The following MATN1 variants were observed in gnomAD, a reference collection of about 807,000 sequenced individuals.
MATN1 encodes the protein matrilin 1, also known as matrilin-1.
In MATN1, 34 loss-of-function variants were observed where a neutral mutation model predicts 41.3. That is an observed-to-expected ratio of 0.82 (90% CI 0.63 to 1.10). The LOEUF is 1.10. Among genes scored for constraint, MATN1 ranks in the 50% least tolerant of loss-of-function variants. The pLI is 0.00. For synonymous variants in MATN1, 264 were observed against 278.7 expected (o/e 0.95, Z 0.53); for missense variants, 602 against 662.4 (o/e 0.91, Z 1.00).
rs1180524712 is a variant in MATN1, at chr1:30,716,303, G to A, written c.813C>T (p.Ser271=). ...TGAGGAAGACCAGGTCAGTGGCCGA[G>A]CTGCCACCACCACCACTGCAGACTG... The part of the protein sequence containing the change: ...TCNVCSGGGG[S]SATDLVFLID... Residue 271 remains serine (S), a synonymous_variant, in exon 5 of 8, where the codon AGC becomes AGT. Transcript: ENST00000373765. 6.2e-7 allele frequency: 1 copy of A among 1,613,726 alleles called. No homozygotes were observed. The highest frequency in any genetic ancestry group is 8.5e-7 in the Non-Finnish European group (1 of 1,179,834).
intron 2 of MATN1, chr1:30,721,156 C>G: frequency 3.8e-6 from 2 of 526,502 alleles, no homozygotes; most frequent in Non-Finnish European, 6.8e-6. Flanking sequence ...GAACCAAGGT[C>G]AACTAAACTG....
rs541779135 is a variant in MATN1 at position 30,719,325 on chromosome 1, C to T, written c.442-368G>A. On this transcript the variant is annotated intron_variant, in intron 2 of 7. Coordinates refer to ENST00000373765, the MANE Select transcript of MATN1 (RefSeq NM_002379.3). ...GAGTCGTGCCACGCCCCTCGTGCCC[C>T]CGGGAGGCCCGGCCGGGGCTGGGTG... is the stretch of plus-strand genomic sequence containing the variant. 7 of 244,600 alleles carry T rather than the reference C, an allele frequency of 2.9e-5. No individual in the cohort carries two copies. The East Asian group carries it at 4.7e-4, about 17-fold the overall frequency. 15.2% of individuals were successfully genotyped at this position (244,600 alleles called of 1,614,324 possible).
At chr1:30,714,433 G>A (rs1557449102) in intron 6 of MATN1, 106 bp from the exon 7 acceptor site, 2 of 882,996 alleles carry the variant, frequency 2.3e-6, no homozygotes, top group Admixed American at 4.1e-5. Flanking sequence ...TTCCCGGGGA[G>A]GTGAGGGGCT....
Position 30,721,766 on chromosome 1 carries a change from G to A in MATN1, c.95-15C>T. The A allele has an allele frequency of 6.3e-7, 1 of 1,594,540 alleles. No homozygotes were observed. Among genetic ancestry groups the A allele is most frequent in the Non-Finnish European group, 8.5e-7 (1 of 1,171,392 alleles). Reference sequence around the variant, plus strand: ...GCAGAGATGGCCTGGGAGTGGGGCAGGAGGGGTAAGGCAGAGAGCAGAGAC... The same window carrying A: ...GCAGAGATGGCCTGGGAGTGGGGCAAGAGGGGTAAGGCAGAGAGCAGAGAC... On this transcript the variant is annotated splice_polypyrimidine_tract_variant and intron_variant, in intron 1 of 7. Transcript: ENST00000373765.
intron 3 of MATN1, among the ~76,000 whole-genome samples, chr1:30,718,087 A>C (rs1569831200): frequency 6.7e-6 from 1 of 150,244 alleles, no homozygotes; most frequent in Non-Finnish European, 1.5e-5. Flanking sequence ...TCCAGGTTCC[A>C]CCCCCAATCC....
At chr1:30,714,936 A>G (rs1639596326) in intron 6 of MATN1, among the ~76,000 whole-genome samples, 1 of 152,236 alleles carries the variant, frequency 6.6e-6, no homozygotes, top group Admixed American at 6.5e-5. Flanking sequence ...CGGATGATGT[A>G]ATATCCGGAG....
intron 6 of MATN1, among the ~76,000 whole-genome samples, chr1:30,714,665 C>T (rs1310442079): frequency 6.6e-6 from 1 of 152,162 alleles, no homozygotes; most frequent in Admixed American, 6.5e-5. Flanking sequence ...TTAATCCCAT[C>T]TTACAGGTGA....
Position 30,716,224 on chromosome 1 carries a change from T to C in MATN1, c.892A>G (p.Ile298Val), listed in dbSNP as rs1395640850. Residue 298 changes from isoleucine (I) to valine (V), a missense_variant, in exon 5 of 8, where the codon ATC becomes GTC. Physicochemically the swap from Ile to Val is conservative, Grantham distance 29 (BLOSUM62 3). Coordinates refer to ENST00000373765, the MANE Select transcript of MATN1 (RefSeq NM_002379.3). ...PENFELVKKF[I>V]SQIVDTLDVS... ...TCCAGCGTATCCACGATCTGACTGA[T>C]GAACTTCTTCACCAGCTCAAAGTTC... 7 of 1,614,222 alleles carry C rather than the reference T, an allele frequency of 4.3e-6. No homozygotes were observed. In the East Asian group the frequency reaches 8.9e-5, roughly 21 times the overall value.
chr1:30,713,381 A>G lies in MATN1; in HGVS notation c.*201T>C, dbSNP rs939885002. 3 of 362,786 alleles carry G rather than the reference A, an allele frequency of 8.3e-6. No individual in the cohort carries two copies. Among genetic ancestry groups the G allele is most frequent in the African/African-American group, 4.8e-5 (2 of 41,858 alleles). The allele number at this position is 362,786 out of a possible 1,614,324, so 22.5% of individuals were successfully genotyped here. On this transcript the variant is annotated 3_prime_UTR_variant, in exon 8 of 8. Coordinates refer to ENST00000373765, the MANE Select transcript of MATN1 (RefSeq NM_002379.3). ...TGCCCACCCTCAGGCGCACGTGCAC[A>G]CACACACACACACACACACATGCAC...
chr1:30,720,477 T>C (rs1441049599), intron 2 of MATN1: 2 of 152,320 alleles, frequency 1.3e-5, no homozygotes, highest in Admixed American at 6.5e-5. Flanking sequence ...TTCCCACTTA[T>C]TGGCTGAGCA....
At chr1:30,716,741 C>T (rs761692596) in intron 4 of MATN1, 49 bp downstream of exon 4, 13 of 1,600,538 alleles carry the variant, frequency 8.1e-6, no homozygotes, top group East Asian at 2.2e-5. Flanking sequence ...GGCCCCATCA[C>T]CTCCCCTCCA....
intron 5 of MATN1, 71 bp downstream of exon 5, chr1:30,715,838 T>C (rs1639611478): frequency 6.7e-7 from 1 of 1,482,648 alleles, no homozygotes; most frequent in African/African-American, 1.4e-5. Context: ...CAAGATAAAC[T>C]ACAGTTGGGC....
intron 2 of MATN1, 67 bp downstream of exon 2, chr1:30,721,338 G>A (rs1245074360): frequency 6.9e-7 from 1 of 1,443,856 alleles, no homozygotes; most frequent in Non-Finnish European, 9.5e-7. Context: ...GTGTCTGCAG[G>A]CAAAGCTCAT....
intron 2 of MATN1, 143 bp downstream of exon 2, chr1:30,721,262 G>GC: frequency 1.2e-6 from 1 of 807,946 alleles, no homozygotes; most frequent in Non-Finnish European, 2.0e-6. Context: ...TCTAATGACC[G>GC]CCCCTCTCTG....
rs905053819 is a variant in MATN1 at position 30,721,447 on chromosome 1, G to A, written c.399C>T (p.Gly133=). Reference sequence around the variant, plus strand: ...ACCTGGAACGACCACCCTCTGCATCGCCGAAGGCTTTGGTGATAGCGAACT... The same window carrying A: ...ACCTGGAACGACCACCCTCTGCATCACCGAAGGCTTTGGTGATAGCGAACT... ...AIQFAITKAF[G]DAEGGRSRSP... is the part of the protein sequence containing the mutation. The change falls in exon 2 of 8, where the codon GGC becomes GGT. Residue 133 remains glycine (G), a synonymous_variant. Transcript: ENST00000373765. The A allele has an allele frequency of 2.5e-6, 4 of 1,613,126 alleles. No individual in the cohort carries two copies. Among genetic ancestry groups the A allele is most frequent in the East Asian group, 2.2e-5 (1 of 44,852 alleles).
chr1:30,719,247 T>G, intron 2 of MATN1: 9 of 393,546 alleles, frequency 2.3e-5, no homozygotes, highest in East Asian at 4.2e-5. Context: ...GGGCCATGCC[T>G]TCCCCTCAGA....
intron 7 of MATN1, 126 bp downstream of exon 7, chr1:30,714,121 C>A (rs2124150832): frequency 2.7e-6 from 2 of 735,458 alleles, no homozygotes. Context: ...TGCCAGAATG[C>A]AGCCCATCAG....
intron 2 of MATN1, chr1:30,719,909 T>G (rs1309416821): frequency 6.6e-6 from 1 of 152,598 alleles, no homozygotes; most frequent in Non-Finnish European, 1.5e-5. Flanking sequence ...CAGGTCACCT[T>G]CCTGAGCCTC....
At chr1:30,718,621 C>CCCCCCCCCCCCCGG in intron 3 of MATN1, 114 bp downstream of exon 3, 1 of 387,506 alleles carries the variant, frequency 2.6e-6, no homozygotes, top group Non-Finnish European at 4.3e-6. Context: ...TGCCCTGCGC[C>CCCCCCCCCCCCCGG]GGCGCTGGCT....
Sources: allele counts gnomAD v4.1 joint callset (sites outside exome capture counted in the v4.1 genomes callset), GRCh38; gene constraint gnomAD v4.1.1; transcripts MANE v1.5; gene names NCBI Gene and HGNC (gene_info 2026-07-23, HGNC 2026-07-21).